Variants in DNAH14 observed in about 807,000 individuals in gnomAD.
DNAH14 encodes the protein axonemal beta dynein heavy chain 14.
DNAH14 carries 478 observed loss-of-function variants against 520.9 expected under a neutral mutation model. The observed-to-expected ratio is 0.92, with a 90% CI of 0.85 to 0.99. The LOEUF is 0.99. Among genes scored for constraint, DNAH14 ranks in the 50% least tolerant of loss-of-function variants. DNAH14 has a pLI of 0.00. For synonymous variants in DNAH14, 1,581 were observed against 1,757.2 expected, an observed-to-expected ratio of 0.90 and a Z score of 2.51; for missense variants, 4,831 against 5,234.5, an observed-to-expected ratio of 0.92 and a Z score of 2.38.
chr1:225,216,842 A>G (rs1026224665), intron 41 of DNAH14, among the ~76,000 whole-genome samples: 8 of 152,192 alleles, frequency 5.3e-5, no homozygotes, highest in Non-Finnish European at 1.2e-4. Context: ...GGGTTCGAAC[A>G]TCCTCCAATA....
rs773266956 is a variant in DNAH14 at position 225,038,675 on chromosome 1, T to G, written c.1359-19T>G. On this transcript the variant is annotated intron_variant, in intron 11 of 85. Coordinates refer to ENST00000682510, the MANE Select transcript of DNAH14 (RefSeq NM_001367479.1). ...AAATGATTTTTAAATGATTTTTTTC[T>G]TCCCATTTCTTAATCCAGAACATTC... is the stretch of plus-strand genomic sequence containing the variant. 3 of 1,514,942 alleles carry G rather than the reference T, an allele frequency of 2.0e-6. No individual in the cohort carries two copies. Among genetic ancestry groups the G allele is most frequent in the Non-Finnish European group, 1.8e-6 (2 of 1,136,282 alleles). The allele number at this position is 1,514,942 out of a possible 1,614,324, so 93.8% of individuals were successfully genotyped here. A position where few individuals can be genotyped will look rare whatever the true frequency, so the allele number is the denominator to read the frequency against.
intron 21 of DNAH14, among the ~76,000 whole-genome samples, chr1:225,090,767 T>C (rs1471033230): frequency 6.6e-6 from 1 of 152,106 alleles, no homozygotes; most frequent in African/African-American, 2.4e-5. Context: ...CCTAAAACTA[T>C]AAAACTTTGA....
intron 77 of DNAH14, among the ~76,000 whole-genome samples, chr1:225,371,476 A>T (rs2095618180): frequency 6.6e-6 from 1 of 152,140 alleles, no homozygotes; most frequent in South Asian, 2.1e-4. Flanking sequence ...GTTATTCCAC[A>T]TAGTCAAACA....
At chr1:225,163,288 T>C (rs1394875819) in intron 35 of DNAH14, among the ~76,000 whole-genome samples, 1 of 152,158 alleles carries the variant, frequency 6.6e-6, no homozygotes, top group Admixed American at 6.6e-5. Context: ...AAATATAAGA[T>C]CATATCATCT....
At chr1:225,327,272 C>T (rs537447090) in intron 64 of DNAH14, among the ~76,000 whole-genome samples, 1 of 152,154 alleles carries the variant, frequency 6.6e-6, no homozygotes, top group South Asian at 2.1e-4. Context: ...ATTCTCCTGC[C>T]TCAGCCTCCC....
rs2080025399 is a variant in DNAH14 at position 225,147,132 on chromosome 1, T to A, written c.4823T>A (p.Val1608Asp). 1 of 1,544,362 alleles carries A rather than the reference T, an allele frequency of 6.5e-7. No individual in the cohort carries two copies. Residue 1608 changes from valine (V) to aspartate (D), a missense_variant, in exon 31 of 86, where the codon GTT becomes GAT. By Grantham distance (152) the Val-to-Asp change is radical. Transcript: ENST00000682510. The stretch of plus-strand genomic sequence containing the variant: ...GTGAGAAAATTTTTCTTTGGACTAG[T>A]TCAGTCAGGAGCATGGAGTTGTTTT... ...KIVRKFFFGL[V>D]QSGAWSCFDE...
chr1:225,370,576 C>T (rs980820496), intron 77 of DNAH14, among the ~76,000 whole-genome samples: 1 of 151,796 alleles, frequency 6.6e-6, no homozygotes, highest in African/African-American at 2.4e-5. Context: ...AATGAGACTA[C>T]TTCATACCAA....
intron 46 of DNAH14, among the ~76,000 whole-genome samples, chr1:225,263,548 T>C (rs963508150): frequency 1.3e-5 from 2 of 151,986 alleles, no homozygotes; most frequent in African/African-American, 4.8e-5. Flanking sequence ...CACATATATC[T>C]TGATTTCCTC....
intron 60 of DNAH14, 135 bp downstream of exon 60, chr1:225,308,545 C>A: frequency 1.1e-6 from 1 of 899,782 alleles, no homozygotes; most frequent in Non-Finnish European, 1.6e-6. Flanking sequence ...ATTGTAATTC[C>A]AACAACTATT....
chr1:225,346,452 A>T lies in DNAH14; in HGVS notation c.11098-4A>T. 6.5e-7 allele frequency: 1 copy of T among 1,544,684 alleles called. No individual in the cohort carries two copies. Among genetic ancestry groups the T allele is most frequent in the Non-Finnish European group, 8.7e-7 (1 of 1,145,378 alleles). ...TGGATTAATATGTTATATTTTCCCT[A>T]TAGGTGGTTTCTTCAGCTCTATTTA... On this transcript the variant is annotated splice_polypyrimidine_tract_variant and splice_region_variant and intron_variant, in intron 70 of 85. Transcript: ENST00000682510.
At chr1:225,079,931 C>G (rs977960511) in intron 18 of DNAH14, among the ~76,000 whole-genome samples, 20 of 151,982 alleles carry the variant, frequency 1.3e-4, no homozygotes, top group African/African-American at 3.4e-4. Flanking sequence ...CCTCAGCCCC[C>G]CAAAGTGCTG....
intron 74 of DNAH14, among the ~76,000 whole-genome samples, chr1:225,359,591 T>C (rs1157485342): frequency 6.6e-6 from 1 of 152,216 alleles, no homozygotes; most frequent in East Asian, 1.9e-4. Context: ...TTTTATTACA[T>C]AAAACCTTAT....
At chr1:225,184,897 C>T (rs1055524374) in intron 36 of DNAH14, among the ~76,000 whole-genome samples, 5 of 151,778 alleles carry the variant, frequency 3.3e-5, no homozygotes, top group African/African-American at 9.7e-5. Context: ...CATTATAGTA[C>T]GGGAAGTCCT....
At chr1:225,301,078 A>G (rs763647359) in intron 56 of DNAH14, 48 bp downstream of exon 56, 1 of 1,497,170 alleles carries the variant, frequency 6.7e-7, no homozygotes, top group Non-Finnish European at 9.0e-7. Flanking sequence ...TTAAAAGTAG[A>G]CCGTGTTTAT....
At chr1:225,370,056 G>A (rs1251039286) in intron 77 of DNAH14, among the ~76,000 whole-genome samples, 5 of 152,066 alleles carry the variant, frequency 3.3e-5, no homozygotes, top group African/African-American at 9.7e-5. Flanking sequence ...TTGGGAGGCC[G>A]AGGCAGTTGG....
chr1:225,378,649 G>A (rs570804367), intron 79 of DNAH14, among the ~76,000 whole-genome samples: 6 of 152,224 alleles, frequency 3.9e-5, no homozygotes, highest in South Asian at 2.1e-4. Context: ...TTGGGAGGCC[G>A]AGGCGGGTGG....
At chr1:225,058,207 A>AAT (rs1321698056) in intron 17 of DNAH14, among the ~76,000 whole-genome samples, 2 of 152,046 alleles carry the variant, frequency 1.3e-5, no homozygotes, top group African/African-American at 4.8e-5. Context: ...TCAATTTCAG[A>AAT]GCCTGTTACT....
intron 1 of DNAH14, among the ~76,000 whole-genome samples, chr1:224,930,895 G>A (rs2058655177): frequency 6.6e-6 from 1 of 152,168 alleles, no homozygotes; most frequent in Non-Finnish European, 1.5e-5. Flanking sequence ...ACGGCGCCCG[G>A]CCTCTATACC....
rs574830144 is a variant in DNAH14 at position 225,214,046 on chromosome 1, G to C, written c.6439+6826G>C. Among the ~76,000 whole-genome samples the C allele has an allele frequency of 3.9e-5, 6 of 152,230 alleles. No individual in the cohort carries two copies. The East Asian group carries it at 5.8e-4, about 15-fold the overall frequency. On this transcript the variant is annotated intron_variant, in intron 41 of 85. Transcript: ENST00000682510. ...TGAGTATGATATTGGCTATGGGTTTGTCATAAATAACTCTTATTATTTTGA... is the reference window on the plus strand; with the variant it reads ...TGAGTATGATATTGGCTATGGGTTTCTCATAAATAACTCTTATTATTTTGA...
Sources: gnomAD v4.1 joint callset for allele counts (sites outside exome capture counted in the v4.1 genomes callset) on GRCh38, gnomAD v4.1.1 for gene constraint, MANE v1.5 for transcripts, NCBI Gene and HGNC (gene_info 2026-07-23, HGNC 2026-07-21) for gene names.